PPP2R2B: variants seen among roughly 807,000 people sequenced by gnomAD.
The protein encoded by PPP2R2B is protein phosphatase 2 regulatory subunit Bbeta.
Under a neutral mutation model 46.0 loss-of-function variants are expected in PPP2R2B, and 5 were observed. The ratio of observed to expected loss-of-function variants is 0.11; its 90% CI spans 0.06 to 0.23. The LOEUF (loss-of-function observed/expected upper bound fraction) is 0.23. Among genes scored for constraint, PPP2R2B ranks in the 10% least tolerant of loss-of-function variants. The pLI is 1.00. For synonymous variants in PPP2R2B, 215 were observed against 206.7 expected (o/e 1.04, Z -0.34); for missense variants, 367 against 575.0 (o/e 0.64, Z 3.70).
intron 8 of PPP2R2B, among the ~76,000 whole-genome samples, chr5:146,598,593 C>T (rs1468757211): frequency 2.0e-5 from 3 of 152,160 alleles, no homozygotes; most frequent in Admixed American, 1.3e-4. Flanking sequence ...TTTCGATTTT[C>T]TCATCTAAAT....
chr5:146,615,515 T>TAAAAAAAAAAAAAAA (rs1364774106), intron 7 of PPP2R2B, among the ~76,000 whole-genome samples: 13 of 71,020 alleles, frequency 1.8e-4, no homozygotes, highest in Non-Finnish European at 1.9e-4. Flanking sequence ...AAAAAAAAAT[T>TAAAAAAAAAAAAAAA]AAAAAAAAAA....
chr5:146,864,396 CAAAAAAAAAAAAA>C (rs34780019), intron 2 of PPP2R2B, among the ~76,000 whole-genome samples: 17 of 31,320 alleles, frequency 5.4e-4, no homozygotes, highest in African/African-American at 2.1e-3. Context: ...TAGTATTAAC[CAAAAAAAAAAAAA>C]AAAAAAAAAA....
chr5:146,623,573 A>G (rs1223565694), intron 7 of PPP2R2B, among the ~76,000 whole-genome samples: 1 of 152,218 alleles, frequency 6.6e-6, no homozygotes, highest in Non-Finnish European at 1.5e-5. Flanking sequence ...TAACTCTTCA[A>G]TGACAATTTC....
chr5:146,843,408 C>T (rs1223609435), intron 2 of PPP2R2B, among the ~76,000 whole-genome samples: 1 of 152,058 alleles, frequency 6.6e-6, no homozygotes. Flanking sequence ...CTCTCTTTAC[C>T]CTGCAGTGAT....
chr5:146,904,591 T>C (rs1762939303), intron 1 of PPP2R2B, among the ~76,000 whole-genome samples: 1 of 152,184 alleles, frequency 6.6e-6, no homozygotes, highest in South Asian at 2.1e-4. Flanking sequence ...GTCTAACCAA[T>C]ATGGTGCTTG....
At chr5:147,004,253 G>A (rs938460303) in intron 1 of PPP2R2B, among the ~76,000 whole-genome samples, 5 of 145,146 alleles carry the variant, frequency 3.4e-5, no homozygotes, top group East Asian at 2.0e-4. Flanking sequence ...CTGCTATGCC[G>A]AGGCAATCAC....
chr5:146,994,073 C>T (rs1286176863), intron 1 of PPP2R2B, among the ~76,000 whole-genome samples: 1 of 152,118 alleles, frequency 6.6e-6, no homozygotes. Context: ...GTCAAAAAAC[C>T]TCTTCTAGCC....
chr5:147,050,273 C>A (rs914868688), intron 1 of PPP2R2B, among the ~76,000 whole-genome samples: 1 of 152,116 alleles, frequency 6.6e-6, no homozygotes, highest in Non-Finnish European at 1.5e-5. Flanking sequence ...ATGTTACAGA[C>A]AAATGCCGTG....
intron 1 of PPP2R2B, among the ~76,000 whole-genome samples, chr5:147,034,869 A>C (rs1051453523): frequency 1.3e-5 from 2 of 152,188 alleles, no homozygotes; most frequent in African/African-American, 4.8e-5. Flanking sequence ...GAACTTTAGG[A>C]ACCAGGTAAT....
At chr5:146,832,606 G>A (rs1251512207) in intron 2 of PPP2R2B, among the ~76,000 whole-genome samples, 1 of 151,702 alleles carries the variant, frequency 6.6e-6, no homozygotes, top group East Asian at 1.9e-4. Flanking sequence ...GGCCAGGCTG[G>A]TCTTGAACTC....
intron 1 of PPP2R2B, among the ~76,000 whole-genome samples, chr5:146,951,985 T>A (rs1056174568): frequency 6.6e-6 from 1 of 151,684 alleles, no homozygotes; most frequent in African/African-American, 2.4e-5. Flanking sequence ...TTTTTTTTTT[T>A]TTTTTTTTAA....
At chr5:146,886,183 A>G (rs1474294315) in intron 1 of PPP2R2B, among the ~76,000 whole-genome samples, 2 of 151,760 alleles carry the variant, frequency 1.3e-5, no homozygotes, top group Non-Finnish European at 2.9e-5. Context: ...CTAAAAATAC[A>G]AAAAAATTAG....
chr5:146,709,089 A>G (rs933384515), intron 2 of PPP2R2B, among the ~76,000 whole-genome samples: 1 of 152,152 alleles, frequency 6.6e-6, no homozygotes, highest in Non-Finnish European at 1.5e-5. Context: ...CTGTCATCCA[A>G]TCAGTGTCTA....
chr5:146,976,690 A>C (rs879361888), intron 1 of PPP2R2B, among the ~76,000 whole-genome samples: 1 of 152,180 alleles, frequency 6.6e-6, no homozygotes, highest in African/African-American at 2.4e-5. Context: ...CTATTTGTCT[A>C]TTCTGTTGCC....
intron 1 of PPP2R2B, among the ~76,000 whole-genome samples, chr5:146,950,221 T>C (rs1439579950): frequency 6.6e-6 from 1 of 152,022 alleles, no homozygotes; most frequent in Non-Finnish European, 1.5e-5. Flanking sequence ...TTAAAATATC[T>C]CATGTACCTC....
intron 7 of PPP2R2B, among the ~76,000 whole-genome samples, chr5:146,626,697 A>G (rs999281607): frequency 5.9e-5 from 9 of 152,174 alleles, no homozygotes; most frequent in African/African-American, 2.2e-4. Flanking sequence ...GGCCAGAGCC[A>G]TCTATAACCC....
At chr5:146,607,552 G>T (rs1772408652) in intron 7 of PPP2R2B, 1 of 152,210 alleles carries the variant, frequency 6.6e-6, no homozygotes, top group South Asian at 2.1e-4. Flanking sequence ...TAATCTAGAA[G>T]AAATTATATT....
rs1381318207 is a variant in PPP2R2B, at chr5:146,645,350, T to C, written c.625+5197A>G. 2.0e-5 allele frequency among the ~76,000 whole-genome samples: 3 copies of C among 152,172 alleles called. No individual in the cohort carries two copies. The East Asian group carries it at 5.8e-4, about 29-fold the overall frequency. On this transcript the variant is annotated intron_variant, in intron 6 of 9. Transcript: ENST00000394411. The stretch of plus-strand genomic sequence containing the variant: ...CAAAGAGGACTCCAAGGGATATTCC[T>C]CTCTTAAGAGCTTAAAAAAAAGTCA...
At chr5:146,986,312 A>G (rs1240954862) in intron 1 of PPP2R2B, among the ~76,000 whole-genome samples, 1 of 152,194 alleles carries the variant, frequency 6.6e-6, no homozygotes, top group East Asian at 1.9e-4. Flanking sequence ...GCAGCCCTTG[A>G]TTCCAGGCCA....
Sources: allele counts gnomAD v4.1 joint callset (sites outside exome capture counted in the v4.1 genomes callset), GRCh38; gene constraint gnomAD v4.1.1; transcripts MANE v1.5; gene names NCBI Gene and HGNC (gene_info 2026-07-23, HGNC 2026-07-21).